The following GREB1L variants were observed in gnomAD, a reference collection of about 807,000 sequenced individuals.
The protein encoded by GREB1L is GREB1 like retinoic acid receptor coactivator.
A neutral mutation model predicts 200.8 loss-of-function variants in GREB1L; 17 were observed. That is an observed-to-expected ratio of 0.08 (90% CI 0.06 to 0.13). The LOEUF (loss-of-function observed/expected upper bound fraction) is 0.13. GREB1L is among the 10% of genes least tolerant of loss of function. The probability of loss-of-function intolerance (pLI) is 1.00; values close to 1 mark genes in which losing one functional copy is unlikely to be tolerated. For missense variants in GREB1L, 1,657 were observed against 2,367.7 expected (o/e 0.70, Z 6.23); for synonymous variants, 789 against 893.0 (o/e 0.88, Z 2.08).
Position 21,357,856 on chromosome 18 carries a change from A to C in GREB1L, c.-119-8171A>C, listed in dbSNP as rs141133090. ...ATGCCAGTACCATGCTTTTTTGATTATTATAGCTTTGTAGTAAATAATTGA... is the reference window on the plus strand; with the variant it reads ...ATGCCAGTACCATGCTTTTTTGATTCTTATAGCTTTGTAGTAAATAATTGA... On this transcript the variant is annotated intron_variant, in intron 1 of 32. Transcript: ENST00000424526. Among the ~76,000 whole-genome samples, 420 of 152,158 alleles carry C rather than the reference A, an allele frequency of 2.8e-3. 3 individuals carry two copies. The highest frequency in any genetic ancestry group is 9.8e-3 in the African/African-American group (405 of 41,518).
At chr18:21,316,301 A>G (rs1182233482) in intron 1 of GREB1L, among the ~76,000 whole-genome samples, 1 of 152,060 alleles carries the variant, frequency 6.6e-6, no homozygotes, top group Non-Finnish European at 1.5e-5. Context: ...TTTATTGGCA[A>G]AAGTAGGGCA....
At chr18:21,299,016 G>A (rs552684284) in intron 1 of GREB1L, among the ~76,000 whole-genome samples, 25 of 152,220 alleles carry the variant, frequency 1.6e-4, no homozygotes, top group African/African-American at 5.5e-4. Context: ...GGTGCCTTAC[G>A]CCTGTAATCC....
intron 11 of GREB1L, among the ~76,000 whole-genome samples, chr18:21,447,357 A>G (rs1506407): frequency 0.99 from 150,066 of 152,324 alleles, 73,963 homozygotes; most frequent in East Asian, 1. Context: ...ATTTTTGGAA[A>G]CAAGGCATTT....
chr18:21,391,945 G>T lies in GREB1L; in HGVS notation c.356-3440G>T, dbSNP rs186529934. On this transcript the variant is annotated intron_variant, in intron 4 of 32. Coordinates refer to ENST00000424526, the MANE Select transcript of GREB1L (RefSeq NM_001142966.3). The stretch of plus-strand genomic sequence containing the variant: ...CTGCCTCAGCCTCCCGAGTGCCTGG[G>T]ACTACAGGTCCATGCCACCACCCCC... Among the ~76,000 whole-genome samples, 4 of 152,216 alleles carry T rather than the reference G, an allele frequency of 2.6e-5. No individual in the cohort carries two copies. In the East Asian group the frequency reaches 7.7e-4, roughly 29 times the overall value.
intron 7 of GREB1L, among the ~76,000 whole-genome samples, chr18:21,419,545 C>T (rs2144841953): frequency 6.6e-6 from 1 of 152,262 alleles, no homozygotes; most frequent in African/African-American, 2.4e-5. Context: ...CTCCACCTCC[C>T]TTCAAGGGAT....
chr18:21,471,809 T>G (rs1379213267), intron 15 of GREB1L, among the ~76,000 whole-genome samples: 1 of 151,900 alleles, frequency 6.6e-6, no homozygotes, highest in Non-Finnish European at 1.5e-5. Flanking sequence ...TTTATAGAGA[T>G]AAGGTCTCAC....
chr18:21,242,956 G>GGC (rs2037528159), intron 1 of GREB1L, among the ~76,000 whole-genome samples: 1 of 152,138 alleles, frequency 6.6e-6, no homozygotes, highest in Non-Finnish European at 1.5e-5. Context: ...GAGGTGGCTG[G>GGC]GCGCTCGCTC....
At chr18:21,322,592 G>A (rs2038966521) in intron 1 of GREB1L, among the ~76,000 whole-genome samples, 1 of 152,042 alleles carries the variant, frequency 6.6e-6, no homozygotes, top group African/African-American at 2.4e-5. Flanking sequence ...ATAAAATTAA[G>A]CAAAAAATTC....
At chr18:21,307,370 TC>T (rs1343638065) in intron 1 of GREB1L, among the ~76,000 whole-genome samples, 2 of 152,326 alleles carry the variant, frequency 1.3e-5, no homozygotes, top group South Asian at 2.1e-4. Flanking sequence ...GTTCACTGTT[TC>T]TCTGTTATTT....
At chr18:21,336,737 AGCACGATGCTATAGGCAGCG>A (rs529488207) in intron 1 of GREB1L, among the ~76,000 whole-genome samples, 1 of 152,218 alleles carries the variant, frequency 6.6e-6, no homozygotes, top group Admixed American at 6.5e-5. Flanking sequence ...AGCAAGCCAG[AGCACGATGCTATAGGCAGCG>A]GCACCATGAT....
At chr18:21,390,020 A>G (rs979880312) in intron 4 of GREB1L, among the ~76,000 whole-genome samples, 36 of 152,198 alleles carry the variant, frequency 2.4e-4, no homozygotes, top group Non-Finnish European at 3.8e-4. Context: ...ATTTCGGTCA[A>G]TGACTGACTG....
rs189196341 is a variant in GREB1L, at chr18:21,330,911, A to G, written c.-119-35116A>G. On this transcript the variant is annotated intron_variant, in intron 1 of 32. Transcript: ENST00000424526. ...GAATTTTTAAAAATCACAACATTAT[A>G]TAAGTATTGGCTTTTTCTTGCTCTT... Among the ~76,000 whole-genome samples the G allele has an allele frequency of 1.9e-3, 296 of 152,320 alleles. 2 individuals are homozygous for G. Among genetic ancestry groups the G allele is most frequent in the Admixed American group, 0.013 (192 of 15,294 alleles).
chr18:21,454,721 T>C, intron 15 of GREB1L, 158 bp downstream of exon 15: 1 of 667,512 alleles, frequency 1.5e-6, no homozygotes, highest in East Asian at 2.7e-5. Context: ...TATCTGAAGT[T>C]TTCCCTCAAA....
chr18:21,391,700 G>T (rs1454183636), intron 4 of GREB1L, among the ~76,000 whole-genome samples: 2 of 152,182 alleles, frequency 1.3e-5, no homozygotes, highest in Admixed American at 1.3e-4. Context: ...TCTTATAATA[G>T]TGTGTAATCT....
In GREB1L at chr18:21,315,764, G is replaced by A. The variant is rs117649106; in HGVS notation, c.-119-50263G>A. 9.5e-4 allele frequency among the ~76,000 whole-genome samples: 144 copies of A among 152,128 alleles called. 2 individuals carry two copies. The East Asian group carries it at 0.027, about 28-fold the overall frequency. On this transcript the variant is annotated intron_variant, in intron 1 of 32. Coordinates refer to ENST00000424526, the MANE Select transcript of GREB1L (RefSeq NM_001142966.3). ...GCTTGGACAAATACGCCTTCTTAAT[G>A]ACCTGGAAGGCCAGGTTTAAATCCA...
chr18:21,444,232 A>G lies in GREB1L; in HGVS notation c.1216A>G (p.Thr406Ala). 1 of 1,550,688 alleles carries G rather than the reference A, an allele frequency of 6.4e-7. No individual in the cohort carries two copies. The highest frequency in any genetic ancestry group is 1.2e-5 in the South Asian group (1 of 84,028). The change falls in exon 11 of 33, where the codon ACT (threonine) becomes GCT (alanine). Residue 406 changes from threonine to alanine, a missense_variant. By Grantham distance (58) the Thr-to-Ala change is moderately conservative. Transcript: ENST00000424526. ...VRPVILIGYG[T>A]LPYFYGNVGD... The stretch of plus-strand genomic sequence containing the variant: ...TGCTTCTATTGGGACAGGCTATGGC[A>G]CTTTACCCTATTTCTATGGAAATGT...
At chr18:21,476,358 G>C (rs2035699076) in intron 16 of GREB1L, among the ~76,000 whole-genome samples, 1 of 152,032 alleles carries the variant, frequency 6.6e-6, no homozygotes, top group East Asian at 1.9e-4. Context: ...ATAAGATCTT[G>C]TAGAACTTGT....
At chr18:21,426,978 A>AC (rs1456567719) in intron 7 of GREB1L, among the ~76,000 whole-genome samples, 6 of 81,082 alleles carry the variant, frequency 7.4e-5, no homozygotes, top group African/African-American at 5.6e-4. Flanking sequence ...AAAAACAAAA[A>AC]AAAAAAAAAC....
At chr18:21,289,396 A>AT (rs773885195) in intron 1 of GREB1L, among the ~76,000 whole-genome samples, 27 of 151,694 alleles carry the variant, frequency 1.8e-4, no homozygotes, top group African/African-American at 4.8e-4. Flanking sequence ...CCAAAAAAAC[A>AT]TTTTTTTTAA....
Sources: gnomAD v4.1 joint callset for allele counts (sites outside exome capture counted in the v4.1 genomes callset) on GRCh38, gnomAD v4.1.1 for gene constraint, MANE v1.5 for transcripts, NCBI Gene and HGNC (gene_info 2026-07-23, HGNC 2026-07-21) for gene names.